The following DNAJC1 variants were observed in gnomAD, a reference collection of about 807,000 sequenced individuals.
DNAJC1 encodes dnaJ homolog subfamily C member 1.
DNAJC1 carries 58 observed loss-of-function variants against 76.6 expected under a neutral mutation model. That is an observed-to-expected ratio of 0.76 (90% CI 0.61 to 0.94). The LOEUF (loss-of-function observed/expected upper bound fraction) is 0.94, where lower values mean the gene tolerates loss of function less well. Ranked by LOEUF, DNAJC1 falls within the 40% of genes least tolerant of loss-of-function variation. The pLI is 0.00. For missense variants in DNAJC1, 689 were observed against 677.3 expected, an observed-to-expected ratio of 1.02 and a Z score of -0.19; for synonymous variants, 258 against 267.9, an observed-to-expected ratio of 0.96 and a Z score of 0.36.
At chr10:21,908,975 T>G (rs569094916) in intron 6 of DNAJC1, among the ~76,000 whole-genome samples, 34 of 152,022 alleles carry the variant, frequency 2.2e-4, no homozygotes, top group Admixed American at 7.9e-4. Flanking sequence ...AACCTCCGCC[T>G]CCCGGGTTTA....
chr10:21,908,171 A>T lies in DNAJC1; in HGVS notation c.730-3559T>A, dbSNP rs1352342263. Reference sequence around the variant, plus strand: ...AATATATAATATATAAAAATATATAATATATAATATATAAAAATATATATT... The same window carrying T: ...AATATATAATATATAAAAATATATATTATATAATATATAAAAATATATATT... On this transcript the variant is annotated intron_variant, in intron 6 of 11. Transcript: ENST00000376980. 7.0e-4 allele frequency among the ~76,000 whole-genome samples: 78 copies of T among 110,706 alleles called. 2 individuals are homozygous for T. In the East Asian group the frequency reaches 0.015, roughly 21 times the overall value. 72.6% of individuals were successfully genotyped at this position (110,706 alleles called of 152,430 possible). A position where few individuals can be genotyped will look rare whatever the true frequency, so the allele number is the denominator to read the frequency against.
Position 21,759,366 on chromosome 10 carries a change from C to T in DNAJC1, c.1400G>A (p.Arg467Gln), listed in dbSNP as rs761477315. Residue 467 changes from arginine (R) to glutamine (Q), a missense_variant, in exon 11 of 12, where the codon CGG (arginine) becomes CAG (glutamine). By Grantham distance (43) the Arg-to-Gln change is conservative. Transcript: ENST00000376980. Reference protein sequence around the residue: ...PEPEEKSRAKRQKDFDIAEQN... With the variant: ...PEPEEKSRAKQQKDFDIAEQN... The stretch of plus-strand genomic sequence containing the variant: ...TTCTGCTATGTCAAAGTCCTTCTGC[C>T]GCTTGGCTCTGGACTTCTCCTCTGG... 9.9e-6 allele frequency: 16 copies of T among 1,614,094 alleles called. No homozygotes were observed. The African/African-American group carries it at 1.1e-4, about 11-fold the overall frequency.
At chr10:21,954,461 T>C (rs1392856524) in intron 1 of DNAJC1, among the ~76,000 whole-genome samples, 3 of 152,044 alleles carry the variant, frequency 2.0e-5, no homozygotes, top group Non-Finnish European at 4.4e-5. Flanking sequence ...GCCAATGAAA[T>C]AATATCTCAG....
chr10:21,847,648 C>A (rs1417606018), intron 8 of DNAJC1, among the ~76,000 whole-genome samples: 1 of 152,116 alleles, frequency 6.6e-6, no homozygotes, highest in African/African-American at 2.4e-5. Flanking sequence ...TCTGTGAGAT[C>A]AAGTTTTTCA....
At chr10:21,842,670 C>T (rs191288780) in intron 8 of DNAJC1, among the ~76,000 whole-genome samples, 1 of 152,142 alleles carries the variant, frequency 6.6e-6, no homozygotes. Flanking sequence ...AAATGAGGCA[C>T]AAATGAACTG....
At chr10:21,959,440 T>C (rs566553643) in intron 1 of DNAJC1, among the ~76,000 whole-genome samples, 34 of 152,136 alleles carry the variant, frequency 2.2e-4, no homozygotes, top group African/African-American at 8.0e-4. Context: ...ACTGAACATA[T>C]TATATCCTCG....
chr10:21,931,766 GA>G lies in DNAJC1; in HGVS notation c.223-2626del, dbSNP rs1590054729. ...GATATCACATTTCTATTAGAGGCCTGAATGTTAGAACATTCATCTCCCATAT... is the reference window on the plus strand; with the variant it reads ...GATATCACATTTCTATTAGAGGCCTGATGTTAGAACATTCATCTCCCATAT... On this transcript the variant is annotated intron_variant, in intron 1 of 11. Coordinates refer to ENST00000376980, the MANE Select transcript of DNAJC1 (RefSeq NM_022365.4). Among the ~76,000 whole-genome samples the G allele has an allele frequency of 3.3e-5, 5 of 152,172 alleles. No homozygotes were observed. In the East Asian group the frequency reaches 9.6e-4, roughly 29 times the overall value.
At chr10:21,922,047 C>T (rs1257742084) in intron 3 of DNAJC1, among the ~76,000 whole-genome samples, 2 of 151,890 alleles carry the variant, frequency 1.3e-5, no homozygotes, top group African/African-American at 4.8e-5. Flanking sequence ...CTGAGTTAGT[C>T]GCAGGCCTAA....
At chr10:21,857,159 TA>T (rs1835848087) in intron 8 of DNAJC1, among the ~76,000 whole-genome samples, 1 of 152,238 alleles carries the variant, frequency 6.6e-6, no homozygotes, top group Non-Finnish European at 1.5e-5. Flanking sequence ...AACTGACTGC[TA>T]TGACTTTGAT....
intron 8 of DNAJC1, among the ~76,000 whole-genome samples, chr10:21,859,541 T>G (rs1322744793): frequency 6.6e-6 from 1 of 152,108 alleles, no homozygotes; most frequent in African/African-American, 2.4e-5. Context: ...ACTATGGTAT[T>G]TTTCTGGTAT....
rs11440840 is a variant in DNAJC1 at position 21,918,375 on chromosome 10, G to GTTT, written c.729+401_729+403dup. Among the ~76,000 whole-genome samples, 24 of 138,976 alleles carry GTTT rather than the reference G, an allele frequency of 1.7e-4. 1 individual carries two copies. Among genetic ancestry groups the GTTT allele is most frequent in the South Asian group, 4.5e-4 (2 of 4,416 alleles). 91.2% of individuals were successfully genotyped at this position (138,976 alleles called of 152,430 possible). The stretch of plus-strand genomic sequence containing the variant: ...ACAATTATACAGATGTTCATGTAAA[G>GTTT]TTTTTTTTTTTTTTTTTTAACACTA... On this transcript the variant is annotated intron_variant, in intron 6 of 11. Transcript: ENST00000376980.
intron 7 of DNAJC1, among the ~76,000 whole-genome samples, chr10:21,896,588 G>C (rs1056318222): frequency 2.0e-5 from 3 of 152,276 alleles, no homozygotes; most frequent in Admixed American, 2.0e-4. Context: ...TGTACACCTT[G>C]AGTCTCACCC....
intron 10 of DNAJC1, among the ~76,000 whole-genome samples, chr10:21,763,173 C>T (rs562164617): frequency 1.6e-4 from 24 of 152,238 alleles, no homozygotes; most frequent in African/African-American, 4.6e-4. Flanking sequence ...TCAGGTGATC[C>T]GCCCATCTTG....
chr10:21,826,306 G>A (rs941236820), intron 8 of DNAJC1, among the ~76,000 whole-genome samples: 1 of 149,890 alleles, frequency 6.7e-6, no homozygotes, highest in Non-Finnish European at 1.5e-5. Context: ...CATTCTGTGG[G>A]GTGCATTTTT....
At chr10:21,906,714 T>A (rs2131747234) in intron 6 of DNAJC1, among the ~76,000 whole-genome samples, 1 of 152,274 alleles carries the variant, frequency 6.6e-6, no homozygotes, top group African/African-American at 2.4e-5. Flanking sequence ...TATGTGACAT[T>A]CAGAAAATTA....
intron 9 of DNAJC1, among the ~76,000 whole-genome samples, chr10:21,775,238 T>C (rs369059719): frequency 6.6e-6 from 1 of 151,884 alleles, no homozygotes; most frequent in African/African-American, 2.4e-5. Flanking sequence ...TTTCCAATTC[T>C]GTGTGGTCCA....
At chr10:21,879,603 G>A (rs1445051798) in intron 8 of DNAJC1, among the ~76,000 whole-genome samples, 5 of 152,082 alleles carry the variant, frequency 3.3e-5, no homozygotes, top group Admixed American at 6.6e-5. Context: ...CAGCCTGGGC[G>A]ACAGAGAGAG....
At chr10:21,962,340 T>G (rs1207315152) in intron 1 of DNAJC1, among the ~76,000 whole-genome samples, 1 of 151,430 alleles carries the variant, frequency 6.6e-6, no homozygotes, top group Non-Finnish European at 1.5e-5. Context: ...TTTTGACCAA[T>G]TATTAAGACT....
chr10:21,988,462 TATC>T, intron 1 of DNAJC1, among the ~76,000 whole-genome samples: 1 of 152,270 alleles, frequency 6.6e-6, no homozygotes, highest in Admixed American at 6.5e-5. Flanking sequence ...AAGGGCCCTT[TATC>T]TTCTCTTATA....
Sources: allele counts gnomAD v4.1 joint callset (sites outside exome capture counted in the v4.1 genomes callset), GRCh38; gene constraint gnomAD v4.1.1; transcripts MANE v1.5; gene names NCBI Gene and HGNC (gene_info 2026-07-23, HGNC 2026-07-21).